Variants in NRG1 observed in about 807,000 individuals in gnomAD.
The protein encoded by NRG1 is pro-neuregulin-1, membrane-bound isoform.
A neutral mutation model predicts 63.8 loss-of-function variants in NRG1; 18 were observed. The ratio of observed to expected loss-of-function variants is 0.28; its 90% CI spans 0.19 to 0.42. The LOEUF is 0.42. NRG1 is among the 10% of genes least tolerant of loss of function. The pLI is 1.00. For synonymous variants in NRG1, 302 were observed against 301.3 expected, an observed-to-expected ratio of 1.00 and a Z score of -0.02; for missense variants, 762 against 814.7, an observed-to-expected ratio of 0.94 and a Z score of 0.79.
intron 1 of NRG1, among the ~76,000 whole-genome samples, chr8:32,336,507 A>G (rs1803287533): frequency 1.3e-5 from 2 of 152,216 alleles, no homozygotes; most frequent in African/African-American, 4.8e-5. Context: ...AAAAAAAATT[A>G]AAAAACAAAA....
intron 1 of NRG1, among the ~76,000 whole-genome samples, chr8:31,763,834 C>T (rs1817789200): frequency 6.6e-6 from 1 of 151,954 alleles, no homozygotes; most frequent in Non-Finnish European, 1.5e-5. Flanking sequence ...GCTGTAGTCC[C>T]AGCTACTTGG....
chr8:31,754,430 A>G (rs574996792), intron 1 of NRG1, among the ~76,000 whole-genome samples: 43 of 152,130 alleles, frequency 2.8e-4, no homozygotes, highest in Middle Eastern at 3.4e-3. Flanking sequence ...TGACGTGGCT[A>G]CACCCTCTTT....
intron 1 of NRG1, among the ~76,000 whole-genome samples, chr8:31,747,888 TA>T (rs1325204546): frequency 6.6e-6 from 1 of 152,004 alleles, no homozygotes; most frequent in Non-Finnish European, 1.5e-5. Context: ...TTTACTATTT[TA>T]ACTTCAGTTA....
chr8:31,724,476 T>A (rs1233363982), intron 1 of NRG1, among the ~76,000 whole-genome samples: 1 of 152,120 alleles, frequency 6.6e-6, no homozygotes, highest in Non-Finnish European at 1.5e-5. Context: ...GCAAGTGTGT[T>A]AGTTAATATC....
At chr8:31,815,218 A>G (rs1373601256) in intron 1 of NRG1, among the ~76,000 whole-genome samples, 2 of 152,064 alleles carry the variant, frequency 1.3e-5, no homozygotes, top group Non-Finnish European at 1.5e-5. Context: ...GAAAAGTTGA[A>G]CTCTTTACCC....
At chr8:32,510,344 A>AT (rs1444694701) in intron 1 of NRG1, among the ~76,000 whole-genome samples, 13 of 151,918 alleles carry the variant, frequency 8.6e-5, no homozygotes, top group Admixed American at 1.3e-4. Flanking sequence ...CATAGGTAAC[A>AT]TAGGGAGACC....
chr8:31,733,490 T>G (rs1814329076), intron 1 of NRG1, among the ~76,000 whole-genome samples: 1 of 152,198 alleles, frequency 6.6e-6, no homozygotes, highest in South Asian at 2.1e-4. Flanking sequence ...CCATGTTCTT[T>G]CCCAGAGGCT....
Position 31,875,897 on chromosome 8 carries a change from C to T in NRG1, c.37+236466C>T, listed in dbSNP as rs187321704. Reference sequence around the variant, plus strand: ...TTCAGAAAAAAAGTTGCTGTGTTTCCGGGAGAAGCAGATGGCTGCTATTGA... The same window carrying T: ...TTCAGAAAAAAAGTTGCTGTGTTTCTGGGAGAAGCAGATGGCTGCTATTGA... On this transcript the variant is annotated intron_variant, in intron 1 of 10. Coordinates refer to the NRG1 transcript ENST00000519301. Among the ~76,000 whole-genome samples, 11 of 152,122 alleles carry T rather than the reference C, an allele frequency of 7.2e-5. No individual in the cohort carries two copies. In the South Asian group the frequency reaches 8.3e-4, roughly 11 times the overall value.
intron 5 of NRG1, among the ~76,000 whole-genome samples, chr8:32,642,329 A>G (rs1852579322): frequency 6.6e-6 from 1 of 152,234 alleles, no homozygotes; most frequent in South Asian, 2.1e-4. Flanking sequence ...TTTGCCTTCA[A>G]ATAAATTGCA....
chr8:32,213,147 A>G (rs959235658), intron 1 of NRG1, among the ~76,000 whole-genome samples: 1 of 152,216 alleles, frequency 6.6e-6, no homozygotes, highest in Non-Finnish European at 1.5e-5. Flanking sequence ...ATTCTATTAC[A>G]AAGATACAGG....
At chr8:31,648,686 T>G (rs1026784863) in intron 1 of NRG1, among the ~76,000 whole-genome samples, 2 of 152,204 alleles carry the variant, frequency 1.3e-5, no homozygotes, top group Non-Finnish European at 2.9e-5. Context: ...CTTATTTCAC[T>G]TACCATAATG....
At chr8:32,554,347 A>T (rs1217346739) in intron 1 of NRG1, among the ~76,000 whole-genome samples, 2 of 152,194 alleles carry the variant, frequency 1.3e-5, no homozygotes, top group Non-Finnish European at 2.9e-5. Flanking sequence ...GAGCTACCAA[A>T]ATACCAATAG....
intron 1 of NRG1, among the ~76,000 whole-genome samples, chr8:31,802,153 G>A (rs998414726): frequency 6.6e-6 from 1 of 152,188 alleles, no homozygotes; most frequent in Non-Finnish European, 1.5e-5. Context: ...CAAATGTGTA[G>A]TATACTCTTG....
intron 1 of NRG1, among the ~76,000 whole-genome samples, chr8:31,805,720 C>G (rs1312744516): frequency 6.8e-6 from 1 of 146,534 alleles, no homozygotes. Flanking sequence ...CCCAGCCACT[C>G]GGGAGTCTGA....
At chr8:31,972,625 C>T (rs1369759155) in intron 1 of NRG1, among the ~76,000 whole-genome samples, 1 of 152,150 alleles carries the variant, frequency 6.6e-6, no homozygotes, top group Non-Finnish European at 1.5e-5. Context: ...TTCACCAGCT[C>T]ACTGACTCTC....
chr8:32,461,349 T>C (rs59924522), intron 1 of NRG1, among the ~76,000 whole-genome samples: 1 of 152,156 alleles, frequency 6.6e-6, no homozygotes, highest in Non-Finnish European at 1.5e-5. Context: ...CCTATTATAC[T>C]ACTATAGCTG....
At chr8:31,917,664 GCTTAGGATGGA>G (rs1286712765) in intron 1 of NRG1, among the ~76,000 whole-genome samples, 1 of 151,856 alleles carries the variant, frequency 6.6e-6, no homozygotes, top group African/African-American at 2.4e-5. Flanking sequence ...TGTTCTTTTG[GCTTAGGATGGA>G]CTTGGCGATG....
chr8:32,628,972 G>A (rs1849784585), intron 5 of NRG1, among the ~76,000 whole-genome samples: 3 of 152,044 alleles, frequency 2.0e-5, no homozygotes, highest in Admixed American at 2.0e-4. Context: ...GACCTCAAGT[G>A]ATCCACCCGC....
intron 1 of NRG1, among the ~76,000 whole-genome samples, chr8:31,925,867 A>G (rs1165032169): frequency 6.6e-6 from 1 of 152,212 alleles, no homozygotes; most frequent in Non-Finnish European, 1.5e-5. Flanking sequence ...AAAAAGTAAT[A>G]TGAATAACAG....
Sources: gnomAD v4.1 joint callset for allele counts (sites outside exome capture counted in the v4.1 genomes callset) on GRCh38, gnomAD v4.1.1 for gene constraint, MANE v1.5 for transcripts, NCBI Gene and HGNC (gene_info 2026-07-23, HGNC 2026-07-21) for gene names.